Variants in ADRA1B observed in about 807,000 individuals in gnomAD.
ADRA1B encodes the protein alpha-1B adrenergic receptor.
A neutral mutation model predicts 17.9 loss-of-function variants in ADRA1B; 17 were observed. The observed-to-expected ratio is 0.95, with a 90% CI of 0.65 to 1.42. ADRA1B has a LOEUF of 1.42. Among genes scored for constraint, ADRA1B ranks in the 40% most tolerant of loss-of-function variants. ADRA1B has a pLI of 0.00. For missense variants in ADRA1B, 681 were observed against 722.1 expected (o/e 0.94, Z 0.65); for synonymous variants, 366 against 327.6 (o/e 1.12, Z -1.27).
At chr5:159,966,932 G>T (rs754663649) in intron 1 of ADRA1B, among the ~76,000 whole-genome samples, 4 of 152,208 alleles carry the variant, frequency 2.6e-5, no homozygotes, top group African/African-American at 4.8e-5. Context: ...CAGCCCTTGT[G>T]GGGTGGGGAG....
chr5:159,935,416 A>G (rs1754926597), intron 1 of ADRA1B, among the ~76,000 whole-genome samples: 1 of 152,200 alleles, frequency 6.6e-6, no homozygotes, highest in Non-Finnish European at 1.5e-5. Flanking sequence ...TGAATTTGCT[A>G]TACATCTTCT....
chr5:159,949,644 T>C (rs1393561830), intron 1 of ADRA1B, among the ~76,000 whole-genome samples: 3 of 152,192 alleles, frequency 2.0e-5, no homozygotes, highest in Non-Finnish European at 4.4e-5. Context: ...CAGGAGACAC[T>C]GGAATGAAAT....
chr5:159,879,977 C>T (rs1255044065), intron 1 of ADRA1B, among the ~76,000 whole-genome samples: 1 of 152,116 alleles, frequency 6.6e-6, no homozygotes, highest in African/African-American at 2.4e-5. Context: ...GCTTGAGATA[C>T]AGAGCGAGAC....
chr5:159,898,088 G>T (rs1754057751), intron 1 of ADRA1B, among the ~76,000 whole-genome samples: 1 of 152,252 alleles, frequency 6.6e-6, no homozygotes, highest in South Asian at 2.1e-4. Context: ...AGGCAGAGAA[G>T]CCCTGGCAAG....
downstream of ADRA1B, among the ~76,000 whole-genome samples, chr5:159,977,474 T>A (rs918768354): frequency 1.3e-5 from 2 of 152,150 alleles, no homozygotes; most frequent in African/African-American, 4.8e-5. Flanking sequence ...ATTGGAGGGA[T>A]GGGGGTGATG....
chr5:159,917,399 C>T lies in ADRA1B; in HGVS notation c.494C>T (p.Ala165Val), dbSNP rs1289186890. 1.2e-6 allele frequency: 2 copies of T among 1,614,146 alleles called. No individual in the cohort carries two copies. The highest frequency in any genetic ancestry group is 2.2e-5 in the East Asian group (1 of 44,876). Residue 165 changes from alanine to valine, a missense_variant, in exon 1 of 2, where the codon GCG becomes GTG. Physicochemically the swap from Ala to Val is moderately conservative, Grantham distance 64. This residue lies in a region of ADRA1B where 424 missense variants were observed against 480.2 expected (regional missense o/e 0.88). Transcript: ENST00000306675. Reference protein sequence around the residue: ...TLVTRRKAILALLSVWVLSTV... With the variant: ...TLVTRRKAILVLLSVWVLSTV... Reference sequence around the variant, plus strand: ...GTCACCCGGAGGAAGGCCATCTTGGCGCTGCTCAGTGTCTGGGTCTTGTCC... The same window carrying T: ...GTCACCCGGAGGAAGGCCATCTTGGTGCTGCTCAGTGTCTGGGTCTTGTCC...
the ADRA1B span, among the ~76,000 whole-genome samples, chr5:159,981,652 C>T: frequency 4.6e-5 from 7 of 152,118 alleles, no homozygotes; most frequent in Non-Finnish European, 1.0e-4. Flanking sequence ...CCCACCACCA[C>T]GCCCAGCTTA....
chr5:159,909,751 C>T (rs1754209200), intron 1 of ADRA1B, among the ~76,000 whole-genome samples: 1 of 152,094 alleles, frequency 6.6e-6, no homozygotes, highest in Admixed American at 6.5e-5. Context: ...AGTTCTATTG[C>T]CCAAAAGTGA....
At chr5:159,888,523 G>A (rs1407891056) in intron 1 of ADRA1B, 1 of 152,158 alleles carries the variant, frequency 6.6e-6, no homozygotes, top group African/African-American at 2.4e-5. Flanking sequence ...GTCTAGTCAG[G>A]AAGCAAGAAG....
intron 1 of ADRA1B, among the ~76,000 whole-genome samples, chr5:159,949,558 C>A (rs1417515916): frequency 6.6e-6 from 1 of 152,200 alleles, no homozygotes. Flanking sequence ...AAAAGCAGGA[C>A]TAATACACTC....
At chr5:159,867,159 C>T (rs564663230) in intron 1 of ADRA1B, 1 of 152,310 alleles carries the variant, frequency 6.6e-6, no homozygotes, top group African/African-American at 2.4e-5. Flanking sequence ...CAGTTGCCCA[C>T]TGGTCCCCTC....
At chr5:159,871,346 C>T (rs1753736839) in intron 1 of ADRA1B, 1 of 152,120 alleles carries the variant, frequency 6.6e-6, no homozygotes, top group African/African-American at 2.4e-5. Context: ...TCTAAGGCTC[C>T]CATAACAAAG....
intron 1 of ADRA1B, among the ~76,000 whole-genome samples, chr5:159,966,113 A>G (rs1223630181): frequency 6.6e-6 from 1 of 152,150 alleles, no homozygotes; most frequent in Non-Finnish European, 1.5e-5. Flanking sequence ...CCCAGCTCAC[A>G]CCACTCAATT....
chr5:159,940,567 G>A (rs1157341286), intron 1 of ADRA1B, among the ~76,000 whole-genome samples: 2 of 152,108 alleles, frequency 1.3e-5, no homozygotes, highest in Admixed American at 6.5e-5. Flanking sequence ...CTCCCCCACT[G>A]CACAGCCCAT....
chr5:159,955,162 AC>A, intron 1 of ADRA1B: 1 of 985,358 alleles, frequency 1.0e-6, no homozygotes, highest in Non-Finnish European at 1.2e-6. Flanking sequence ...AAGACAAGAC[AC>A]CCTGGAGATG....
intron 1 of ADRA1B, among the ~76,000 whole-genome samples, chr5:159,941,919 CT>C (rs70987983): frequency 0.013 from 1,611 of 122,090 alleles, 16 homozygotes; most frequent in African/African-American, 0.046. Context: ...TACTGGGTTT[CT>C]TTTTTTTTTT....
intron 1 of ADRA1B, among the ~76,000 whole-genome samples, chr5:159,879,122 G>C (rs576719385): frequency 1.3e-5 from 2 of 152,254 alleles, no homozygotes; most frequent in East Asian, 1.9e-4. Flanking sequence ...CAACGGATTA[G>C]ACTGTATCAT....
intron 1 of ADRA1B, among the ~76,000 whole-genome samples, chr5:159,892,924 T>C (rs1754001823): frequency 6.6e-6 from 1 of 152,220 alleles, no homozygotes; most frequent in Non-Finnish European, 1.5e-5. Flanking sequence ...TCTTGCACAA[T>C]AGTTGAACTA....
At chr5:159,940,228 T>C (rs1000400665) in intron 1 of ADRA1B, among the ~76,000 whole-genome samples, 1 of 152,218 alleles carries the variant, frequency 6.6e-6, no homozygotes, top group Non-Finnish European at 1.5e-5. Context: ...TCTAGACTTA[T>C]CTGTGCACTT....
Sources: allele counts gnomAD v4.1 joint callset (sites outside exome capture counted in the v4.1 genomes callset), GRCh38; gene constraint gnomAD v4.1.1; regional missense constraint gnomAD v4.1.1; transcripts MANE v1.5; gene names NCBI Gene and HGNC (gene_info 2026-07-23, HGNC 2026-07-21).